SSR4: variants seen among roughly 807,000 people sequenced by gnomAD.
The protein encoded by SSR4 is signal sequence receptor subunit 4, also known as translocon-associated protein subunit delta.
For synonymous variants in SSR4, 84 were observed against 65.6 expected (o/e 1.28, Z -1.35); for missense variants, 125 against 148.8 (o/e 0.84, Z 0.83).
Position 153,796,278 on chromosome X carries a change from C to G in SSR4, c.68-156C>G. On this transcript the variant is annotated intron_variant, in intron 1 of 5. Coordinates refer to ENST00000370086, the MANE Select transcript of SSR4 (RefSeq NM_006280.3). Reference sequence around the variant, plus strand: ...CGTTGCCATTGCATTTGTGACCGAGCACTTGGATCTGTCTCGCATATCCCA... The same window carrying G: ...CGTTGCCATTGCATTTGTGACCGAGGACTTGGATCTGTCTCGCATATCCCA... The G allele has an allele frequency of 1.6e-5, 7 of 443,140 alleles. No individual in the cohort carries two copies. In the South Asian group the frequency reaches 2.4e-4, roughly 15 times the overall value. The allele number at this position is 443,140 out of a possible 1,213,427, so 36.5% of individuals were successfully genotyped here. A position where few individuals can be genotyped will look rare whatever the true frequency, so the allele number is the denominator to read the frequency against.
At chrX:153,796,142 T>G in intron 1 of SSR4, 1 of 307,771 alleles carries the variant, frequency 3.2e-6, no homozygotes, top group South Asian at 5.8e-5. Context: ...AGTGTTGGCA[T>G]GTATTGTCCA....
rs375987805 is a variant in SSR4 at position 153,795,703 on chromosome X, C to T, written c.68-731C>T. 454 of 753,874 alleles carry T rather than the reference C, an allele frequency of 6.0e-4. 3 individuals are homozygous for T. In the South Asian group the frequency reaches 0.027, roughly 45 times the overall value. The allele number at this position is 753,874 out of a possible 1,213,427, so 62.1% of individuals were successfully genotyped here. On this transcript the variant is annotated intron_variant, in intron 1 of 5. Coordinates refer to ENST00000370086, the MANE Select transcript of SSR4 (RefSeq NM_006280.3). Reference sequence around the variant, plus strand: ...GGTCCAGACCCAGAGCCTTCTCTGACGTCCTCTGCTGAAGCCATCGTTCTG... The same window carrying T: ...GGTCCAGACCCAGAGCCTTCTCTGATGTCCTCTGCTGAAGCCATCGTTCTG...
chrX:153,794,789 C>G, intron 1 of SSR4, 35 bp downstream of exon 1: 1 of 1,197,932 alleles, frequency 8.3e-7, no homozygotes, highest in South Asian at 1.8e-5. Context: ...TCTTGCGAGC[C>G]TCTGACCCAC....
chrX:153,794,661 T>C (rs781916038), upstream of SSR4: 1 of 1,211,974 alleles, frequency 8.3e-7, no homozygotes, highest in Non-Finnish European at 1.1e-6. Flanking sequence ...GAGCTCGTTT[T>C]CTTTTCCTCT....
In SSR4 at chrX:153,796,430, G is replaced by T. The variant is rs377133359; in HGVS notation, c.68-4G>T. On this transcript the variant is annotated splice_polypyrimidine_tract_variant and splice_region_variant and intron_variant, in intron 1 of 5. Transcript: ENST00000370086. ...ACCCAGGCATCTCTCCCTCTTCCCC[G>T]CAGCCGAGGCCTGCCTGGAGCCCCA... The T allele has an allele frequency of 2.5e-6, 3 of 1,190,599 alleles. No individual in the cohort carries two copies. Among genetic ancestry groups the T allele is most frequent in the Non-Finnish European group, 3.4e-6 (3 of 876,751 alleles).
intron 1 of SSR4, chrX:153,795,387 C>G (rs1176808234): frequency 8.8e-6 from 1 of 113,042 alleles, no homozygotes; most frequent in Admixed American, 9.3e-5. Context: ...TGGACAGGGG[C>G]GGCTTTCTCC....
Position 153,796,890 on chromosome X carries a change from TG to T in SSR4, c.186+339del, listed in dbSNP as rs1433569096. 3 of 232,601 alleles carry T rather than the reference TG, an allele frequency of 1.3e-5. No homozygotes were observed. In the East Asian group the frequency reaches 2.7e-4, roughly 21 times the overall value. 19.2% of individuals were successfully genotyped at this position (232,601 alleles called of 1,213,427 possible). A position where few individuals can be genotyped will look rare whatever the true frequency, so the allele number is the denominator to read the frequency against. On this transcript the variant is annotated intron_variant, in intron 2 of 5. Transcript: ENST00000370086. ...TTTGTTTTTGTTTTTGTTTTTTGTT[TG>T]TTTTTTTGAGATAGGGTCTCACTCT...
In SSR4 at chrX:153,798,067, G is replaced by A; in HGVS notation, c.352-4G>A. 2 of 1,131,322 alleles carry A rather than the reference G, an allele frequency of 1.8e-6. No individual in the cohort carries two copies. The highest frequency in any genetic ancestry group is 1.2e-6 in the Non-Finnish European group (1 of 850,480). The allele number at this position is 1,131,322 out of a possible 1,213,427, so 93.2% of individuals were successfully genotyped here. ...CCAGCACCTCCCTTGCACCTCCCTT[G>A]CAGGCTCAGAGGAATAACGAGGACA... On this transcript the variant is annotated splice_region_variant and splice_polypyrimidine_tract_variant and intron_variant, in intron 4 of 5. Transcript: ENST00000370086.
chrX:153,796,755 T>C (rs928208672), intron 2 of SSR4: 8 of 414,706 alleles, frequency 1.9e-5, no homozygotes, highest in Non-Finnish European at 3.0e-5. Flanking sequence ...CTACACGAGG[T>C]AACCCTGGGC....
In SSR4 at chrX:153,796,167, C is replaced by T. The variant is rs182861204; in HGVS notation, c.68-267C>T. The T allele has an allele frequency of 6.0e-4, 220 of 368,719 alleles. 1 individual carries two copies. The East Asian group carries it at 9.3e-3, about 16-fold the overall frequency. The allele number at this position is 368,719 out of a possible 1,213,427, so 30.4% of individuals were successfully genotyped here. On this transcript the variant is annotated intron_variant, in intron 1 of 5. Coordinates refer to ENST00000370086, the MANE Select transcript of SSR4 (RefSeq NM_006280.3). ...TGTATTGTCCAGTGAATCCAGCCCC[C>T]ACCTGTCCCCAGTTCGCTCTTCCTG...
intron 1 of SSR4, chrX:153,795,521 C>T (rs909177613): frequency 1.4e-5 from 3 of 220,113 alleles, no homozygotes; most frequent in Non-Finnish European, 2.0e-5. Context: ...GAACTATAGT[C>T]AGGGACGTAT....
chrX:153,798,250 C>T (rs1185910570), intron 5 of SSR4, 79 bp from the exon 6 acceptor site: 2 of 1,181,903 alleles, frequency 1.7e-6, no homozygotes, highest in Non-Finnish European at 2.3e-6. Flanking sequence ...TCTTGGTTCC[C>T]CTGGCGGAAG....
At chrX:153,796,190 C>T in intron 1 of SSR4, 1 of 396,166 alleles carries the variant, frequency 2.5e-6, no homozygotes, top group South Asian at 3.8e-5. Flanking sequence ...TTCGCTCTTC[C>T]TGCACACCTC....
intron 1 of SSR4, 47 bp from the exon 2 acceptor site, chrX:153,796,387 G>A (rs371271664): frequency 1.0e-6 from 1 of 973,004 alleles, no homozygotes; most frequent in Admixed American, 2.2e-5. Flanking sequence ...CTCAGACCGG[G>A]ATACTCGAGC....
At chrX:153,798,253 G>C (rs2092154853) in intron 5 of SSR4, 76 bp from the exon 6 acceptor site, 6 of 1,181,332 alleles carry the variant, frequency 5.1e-6, no homozygotes, top group Non-Finnish European at 4.6e-6. Context: ...TGGTTCCCCT[G>C]GCGGAAGGTG....
intron 1 of SSR4, chrX:153,795,481 C>G (rs1381550426): frequency 2.9e-5 from 4 of 139,971 alleles, no homozygotes; most frequent in Non-Finnish European, 5.1e-5. Flanking sequence ...CCTTTCCGCA[C>G]ACTCCTCATC....
chrX:153,794,644 T>A (rs1557071676), upstream of SSR4: 3 of 1,211,069 alleles, frequency 2.5e-6, no homozygotes, highest in Non-Finnish European at 3.4e-6. Flanking sequence ...GCCCCTCGTG[T>A]TCATGGGAGC....
At chrX:153,797,193 C>A in intron 2 of SSR4, 1 of 388,838 alleles carries the variant, frequency 2.6e-6, no homozygotes, top group Non-Finnish European at 4.5e-6. Context: ...TTGATCATCC[C>A]GCCCCTGCTC....
At chrX:153,798,000 T>TGCCCCCCCCC in intron 4 of SSR4, 71 bp from the exon 5 acceptor site, 25 of 703,854 alleles carry the variant, frequency 3.6e-5, no homozygotes, top group Non-Finnish European at 5.0e-5. Flanking sequence ...TACCTGTCTT[T>TGCCCCCCCCC]CCCCTCCCCT....
Sources: gnomAD v4.1 joint callset for allele counts on GRCh38, gnomAD v4.1.1 for gene constraint, MANE v1.5 for transcripts, NCBI Gene and HGNC (gene_info 2026-07-23, HGNC 2026-07-21) for gene names.